Variants in SCARA3 observed in about 807,000 individuals in gnomAD.
The protein encoded by SCARA3 is cellular stress response gene protein.
A neutral mutation model predicts 47.0 loss-of-function variants in SCARA3; 39 were observed. That is an observed-to-expected ratio of 0.83 (90% CI 0.64 to 1.08). The LOEUF (loss-of-function observed/expected upper bound fraction) is 1.08. Ranked by LOEUF, SCARA3 falls within the 50% of genes least tolerant of loss-of-function variation. SCARA3 has a pLI of 0.00. For synonymous variants in SCARA3, 356 were observed against 334.1 expected (o/e 1.07, Z -0.71); for missense variants, 724 against 792.3 (o/e 0.91, Z 1.04).
the SCARA3 span, among the ~76,000 whole-genome samples, chr8:27,688,833 G>T: frequency 1.3e-5 from 2 of 152,082 alleles, no homozygotes; most frequent in Non-Finnish European, 2.9e-5. Flanking sequence ...GGCCACACGG[G>T]GCTTTTAGGG....
the SCARA3 span, among the ~76,000 whole-genome samples, chr8:27,687,845 G>A: frequency 6.6e-6 from 1 of 152,032 alleles, no homozygotes; most frequent in Non-Finnish European, 1.5e-5. Context: ...GGCGAAACCC[G>A]TTTCTACTAA....
chr8:27,633,984 G>A lies in SCARA3; in HGVS notation c.-217G>A. 4.0e-6 allele frequency: 1 copy of A among 249,696 alleles called. No individual in the cohort carries two copies. Among genetic ancestry groups the A allele is most frequent in the Non-Finnish European group, 7.5e-6 (1 of 133,626 alleles). 15.5% of individuals were successfully genotyped at this position (249,696 alleles called of 1,614,324 possible). A position where few individuals can be genotyped will look rare whatever the true frequency, so the allele number is the denominator to read the frequency against. On this transcript the variant is annotated 5_prime_UTR_variant, in exon 1 of 6. Transcript: ENST00000301904. ...GGCGGGGCGCGGCGCTAGGCGCCCG[G>A]CGGGGCTTCCCCAGGCTGCGACCCC... is the stretch of plus-strand genomic sequence containing the variant.
At chr8:27,675,920 G>A (rs570327431), downstream of SCARA3, among the ~76,000 whole-genome samples, 36 of 152,266 alleles carry the variant, frequency 2.4e-4, no homozygotes, top group Middle Eastern at 6.8e-3. Context: ...GGAGGAACGT[G>A]TACTTCCCCC....
the SCARA3 span, among the ~76,000 whole-genome samples, chr8:27,686,307 G>A: frequency 2.0e-5 from 3 of 151,968 alleles, no homozygotes; most frequent in Admixed American, 2.0e-4. Flanking sequence ...CAGGTGTGGT[G>A]GCGCACAGCT....
At chr8:27,654,578 G>C (rs753311366) in intron 3 of SCARA3, among the ~76,000 whole-genome samples, 2 of 151,576 alleles carry the variant, frequency 1.3e-5, no homozygotes, top group East Asian at 3.9e-4. Flanking sequence ...GGGAAACATA[G>C]TGAGACCCCA....
At chr8:27,643,037 A>G (rs1021673323) in intron 1 of SCARA3, among the ~76,000 whole-genome samples, 1 of 152,136 alleles carries the variant, frequency 6.6e-6, no homozygotes, top group Non-Finnish European at 1.5e-5. Flanking sequence ...GCAGGTATTT[A>G]GAAATGGGTG....
chr8:27,657,463 A>G (rs755238426), intron 4 of SCARA3, among the ~76,000 whole-genome samples: 1 of 142,640 alleles, frequency 7.0e-6, no homozygotes, highest in African/African-American at 2.7e-5. Context: ...TTTTCAGCCC[A>G]TAACCCCCTC....
At chr8:27,660,532 G>GAGATAGAT (rs11374289) in intron 5 of SCARA3, among the ~76,000 whole-genome samples, 2,200 of 147,684 alleles carry the variant, frequency 0.015, 55 homozygotes, top group African/African-American at 0.052. Context: ...AGATAGAGAT[G>GAGATAGAT]AGATAGATAG....
At chr8:27,653,070 C>T (rs1801666999) in intron 3 of SCARA3, among the ~76,000 whole-genome samples, 1 of 152,206 alleles carries the variant, frequency 6.6e-6, no homozygotes, top group Non-Finnish European at 1.5e-5. Context: ...CCACGGTCTG[C>T]CTATCAGAGG....
intron 3 of SCARA3, among the ~76,000 whole-genome samples, chr8:27,656,376 G>T (rs894681386): frequency 9.2e-5 from 14 of 152,272 alleles, no homozygotes; most frequent in Admixed American, 2.0e-4. Flanking sequence ...TGTATCCCCT[G>T]CAGGTAAGAG....
At chr8:27,676,772 G>A (rs1802284075), downstream of SCARA3, 1 of 498,500 alleles carries the variant, frequency 2.0e-6, no homozygotes, top group South Asian at 2.8e-5. Context: ...ATATTAGGAA[G>A]ATGATTTAAA....
chr8:27,708,136 C>G, the SCARA3 span, among the ~76,000 whole-genome samples: 1 of 152,160 alleles, frequency 6.6e-6, no homozygotes, highest in Non-Finnish European at 1.5e-5. Context: ...GGACCCTTTG[C>G]AGCAGACCTA....
At chr8:27,669,794 C>T (rs1021101584) in intron 5 of SCARA3, among the ~76,000 whole-genome samples, 1 of 152,238 alleles carries the variant, frequency 6.6e-6, no homozygotes, top group African/African-American at 2.4e-5. Flanking sequence ...CTCTGCTCCA[C>T]TTAGAAACAC....
the SCARA3 span, among the ~76,000 whole-genome samples, chr8:27,687,144 A>T: frequency 3.9e-5 from 6 of 152,362 alleles, no homozygotes; most frequent in African/African-American, 1.2e-4. Context: ...AGGTTGAACC[A>T]ATTAGCCAAA....
At chr8:27,682,083 A>G in the SCARA3 span, among the ~76,000 whole-genome samples, 3 of 152,236 alleles carry the variant, frequency 2.0e-5, no homozygotes, top group Admixed American at 2.0e-4. Flanking sequence ...TGATGTAAAG[A>G]CAGGCAGATA....
In SCARA3 at chr8:27,644,776, A is replaced by T. The variant is rs35284810; in HGVS notation, c.8-4926A>T. On this transcript the variant is annotated intron_variant, in intron 1 of 5. Coordinates refer to ENST00000301904, the MANE Select transcript of SCARA3 (RefSeq NM_016240.3). Reference sequence around the variant, plus strand: ...CAGACACCCAGCATGCTTCACACTCAGGCACTCCTCGATTTTCAGCATGTC... The same window carrying T: ...CAGACACCCAGCATGCTTCACACTCTGGCACTCCTCGATTTTCAGCATGTC... Among the ~76,000 whole-genome samples the T allele has an allele frequency of 1.5e-3, 230 of 152,250 alleles. 6 individuals carry two copies. In the East Asian group the frequency reaches 0.023, roughly 15 times the overall value.
chr8:27,664,826 G>A (rs1040785724), intron 5 of SCARA3, among the ~76,000 whole-genome samples: 2 of 152,108 alleles, frequency 1.3e-5, no homozygotes, highest in South Asian at 2.1e-4. Flanking sequence ...AGAGCAAAAC[G>A]GGGCATCTGT....
the SCARA3 span, among the ~76,000 whole-genome samples, chr8:27,686,341 G>A: frequency 6.6e-6 from 1 of 151,994 alleles, no homozygotes; most frequent in Non-Finnish European, 1.5e-5. Flanking sequence ...CTACTTAGGA[G>A]GCTGAAGTGG....
At chr8:27,646,003 G>A (rs1342404319) in intron 1 of SCARA3, among the ~76,000 whole-genome samples, 2 of 152,144 alleles carry the variant, frequency 1.3e-5, no homozygotes. Context: ...CAAATGCTTT[G>A]GATTATGTTC....
Sources: allele counts gnomAD v4.1 joint callset (sites outside exome capture counted in the v4.1 genomes callset), GRCh38; gene constraint gnomAD v4.1.1; transcripts MANE v1.5; gene names NCBI Gene and HGNC (gene_info 2026-07-23, HGNC 2026-07-21).